Variants in ADK observed in about 807,000 individuals in gnomAD.
ADK encodes N6,N6-dimethyladenosine kinase.
Under a neutral mutation model 44.7 loss-of-function variants are expected in ADK, and 24 were observed. The ratio of observed to expected loss-of-function variants is 0.54; its 90% CI spans 0.39 to 0.76. ADK has a LOEUF of 0.76. Among genes scored for constraint, ADK ranks in the 30% least tolerant of loss-of-function variants. ADK has a pLI of 0.00. For synonymous variants in ADK, 128 were observed against 142.6 expected (o/e 0.90, Z 0.73); for missense variants, 321 against 425.1 (o/e 0.76, Z 2.15).
intron 6 of ADK, among the ~76,000 whole-genome samples, chr10:74,466,873 AT>A (rs771239907): frequency 8.5e-5 from 13 of 152,172 alleles, no homozygotes; most frequent in Non-Finnish European, 1.6e-4. Flanking sequence ...ATTTAGTGGT[AT>A]TTATATACAA....
At chr10:74,153,737 T>C (rs535623085) in intron 1 of ADK, among the ~76,000 whole-genome samples, 3 of 152,366 alleles carry the variant, frequency 2.0e-5, no homozygotes, top group South Asian at 4.1e-4. Flanking sequence ...GCTCCCTAGA[T>C]GAAGGTGTTC....
At chr10:74,284,103 C>T (rs917101820) in intron 3 of ADK, among the ~76,000 whole-genome samples, 1 of 152,066 alleles carries the variant, frequency 6.6e-6, no homozygotes, top group Admixed American at 6.6e-5. Flanking sequence ...GCATTACAGG[C>T]GTGTGCCACC....
chr10:74,444,891 A>G (rs1845543388), intron 6 of ADK, among the ~76,000 whole-genome samples: 1 of 152,022 alleles, frequency 6.6e-6, no homozygotes, highest in African/African-American at 2.4e-5. Flanking sequence ...CTGTGACAGT[A>G]TAATAATTTT....
At chr10:74,230,366 C>G (rs1317496221) in intron 3 of ADK, among the ~76,000 whole-genome samples, 1 of 151,790 alleles carries the variant, frequency 6.6e-6, no homozygotes, top group Non-Finnish European at 1.5e-5. Flanking sequence ...AAATGACTTG[C>G]TATAGTTTAC....
intron 4 of ADK, among the ~76,000 whole-genome samples, chr10:74,325,026 A>G (rs1384994660): frequency 6.6e-6 from 1 of 152,112 alleles, no homozygotes; most frequent in Non-Finnish European, 1.5e-5. Flanking sequence ...TTCTATTTCT[A>G]TGAAGATTAT....
chr10:74,293,896 G>A (rs1394326616), intron 3 of ADK, among the ~76,000 whole-genome samples: 1 of 152,154 alleles, frequency 6.6e-6, no homozygotes, highest in Non-Finnish European at 1.5e-5. Flanking sequence ...TTTAGTTCTA[G>A]AAATAGAACT....
chr10:74,570,738 G>A (rs1270165263), intron 7 of ADK, among the ~76,000 whole-genome samples: 1 of 152,142 alleles, frequency 6.6e-6, no homozygotes, highest in Non-Finnish European at 1.5e-5. Context: ...CTCAAACAGG[G>A]ACAATTTGAC....
intron 6 of ADK, among the ~76,000 whole-genome samples, chr10:74,473,395 A>T (rs1215246328): frequency 6.6e-6 from 1 of 152,374 alleles, no homozygotes; most frequent in Non-Finnish European, 1.5e-5. Context: ...TAACATTGGT[A>T]CAATACCATT....
intron 7 of ADK, among the ~76,000 whole-genome samples, chr10:74,581,166 G>A (rs961900474): frequency 1.3e-5 from 2 of 152,014 alleles, no homozygotes; most frequent in African/African-American, 2.4e-5. Flanking sequence ...CGTTGACAAA[G>A]ATGTTAAAAC....
intron 6 of ADK, among the ~76,000 whole-genome samples, chr10:74,479,316 T>C (rs960497575): frequency 6.6e-6 from 1 of 151,996 alleles, no homozygotes; most frequent in Admixed American, 6.6e-5. Flanking sequence ...TATATTAGGA[T>C]TGCAGCTTCT....
intron 3 of ADK, among the ~76,000 whole-genome samples, chr10:74,253,771 T>C (rs1231019959): frequency 6.7e-6 from 1 of 150,324 alleles, no homozygotes; most frequent in East Asian, 1.9e-4. Context: ...ACTGCCTTTT[T>C]TTTTTTTTTT....
chr10:74,698,248 GCAA>G (rs3837337), intron 10 of ADK, among the ~76,000 whole-genome samples: 15,706 of 152,176 alleles, frequency 0.1, 1,327 homozygotes, highest in African/African-American at 0.22. Context: ...AAGTAAAAAG[GCAA>G]CAACAACTGC....
intron 1 of ADK, among the ~76,000 whole-genome samples, chr10:74,171,806 C>CTG (rs764870323): frequency 3.8e-5 from 5 of 130,778 alleles, no homozygotes; most frequent in Admixed American, 1.5e-4. Flanking sequence ...CTCTCTCTGT[C>CTG]TCTCTGTGTG....
At position 74,554,346 on chromosome 10, in the gene ADK, G is replaced by A. The variant is rs1156864049; in HGVS notation, c.726+28920G>A. 2.0e-5 allele frequency among the ~76,000 whole-genome samples: 3 copies of A among 152,006 alleles called. No homozygotes were observed. In the East Asian group the frequency reaches 5.8e-4, roughly 29 times the overall value. On this transcript the variant is annotated intron_variant, in intron 7 of 10. Transcript: ENST00000539909. The stretch of plus-strand genomic sequence containing the variant: ...GAGCTAATGCTTATTCTGACTTTGG[G>A]GTTTTCATTTCCTTTCATATATCCC...
chr10:74,672,281 GC>G (rs1173486796), intron 10 of ADK, among the ~76,000 whole-genome samples: 1 of 151,906 alleles, frequency 6.6e-6, no homozygotes, highest in Non-Finnish European at 1.5e-5. Flanking sequence ...TGTTTTGTTT[GC>G]TTCCTTGTGT....
intron 1 of ADK, among the ~76,000 whole-genome samples, chr10:74,188,685 T>C (rs1842852648): frequency 6.6e-6 from 1 of 152,184 alleles, no homozygotes; most frequent in African/African-American, 2.4e-5. Flanking sequence ...TGATTTGCTC[T>C]CTTTTTTCTA....
chr10:74,581,404 A>G (rs747475523), intron 7 of ADK, among the ~76,000 whole-genome samples: 3 of 152,174 alleles, frequency 2.0e-5, no homozygotes, highest in African/African-American at 7.2e-5. Context: ...AGGGAAAAAA[A>G]GACTGGAAAA....
chr10:74,460,558 A>G (rs1316930827), intron 6 of ADK, among the ~76,000 whole-genome samples: 1 of 152,172 alleles, frequency 6.6e-6, no homozygotes, highest in East Asian at 1.9e-4. Flanking sequence ...CTATTGAAGG[A>G]TACTTAGCTT....
At position 74,402,429 on chromosome 10, in the gene ADK, T is replaced by A. The variant is rs548403283; in HGVS notation, c.555+3850T>A. Among the ~76,000 whole-genome samples the A allele has an allele frequency of 3.9e-5, 6 of 152,320 alleles. No homozygotes were observed. In the East Asian group the frequency reaches 9.6e-4, roughly 24 times the overall value. On this transcript the variant is annotated intron_variant, in intron 6 of 10. Coordinates refer to ENST00000539909, the MANE Select transcript of ADK (RefSeq NM_006721.4). ...CATAGTCCCATATTTCTTGGAGGCT[T>A]TGTGCGTTTCTTTTTACTCTTTTTT...
Sources: gnomAD v4.1 joint callset for allele counts (sites outside exome capture counted in the v4.1 genomes callset) on GRCh38, gnomAD v4.1.1 for gene constraint, MANE v1.5 for transcripts, NCBI Gene and HGNC (gene_info 2026-07-23, HGNC 2026-07-21) for gene names.